The following DAB1 variants were observed in gnomAD, a reference collection of about 807,000 sequenced individuals.
DAB1 encodes the protein DAB adaptor protein 1.
In DAB1, 15 loss-of-function variants were observed where a neutral mutation model predicts 64.6. The observed-to-expected ratio is 0.23, with a 90% CI of 0.16 to 0.36. The LOEUF is 0.36. Ranked by LOEUF, DAB1 falls within the 10% of genes least tolerant of loss-of-function variation. The pLI, the probability that DAB1 is intolerant of heterozygous loss-of-function variation, is 1.00. For missense variants in DAB1, 596 were observed against 706.7 expected, an observed-to-expected ratio of 0.84 and a Z score of 1.78; for synonymous variants, 235 against 251.9, an observed-to-expected ratio of 0.93 and a Z score of 0.64.
At chr1:58,016,992 T>C (rs1448005826) in intron 5 of DAB1, among the ~76,000 whole-genome samples, 1 of 152,118 alleles carries the variant, frequency 6.6e-6, no homozygotes, top group Non-Finnish European at 1.5e-5. Flanking sequence ...CTGTTATTCG[T>C]AGATAAAGAA....
At chr1:58,146,295 C>T (rs1557670540) in intron 5 of DAB1, among the ~76,000 whole-genome samples, 2 of 152,116 alleles carry the variant, frequency 1.3e-5, no homozygotes, top group Non-Finnish European at 2.9e-5. Context: ...AGTGAAGTGG[C>T]AAATTAACAT....
At chr1:57,054,766 C>A (rs765183325) in intron 9 of DAB1, among the ~76,000 whole-genome samples, 1 of 152,146 alleles carries the variant, frequency 6.6e-6, no homozygotes, top group South Asian at 2.1e-4. Flanking sequence ...GCGTGTGCCA[C>A]GGCACCCGGC....
intron 3 of DAB1, among the ~76,000 whole-genome samples, chr1:58,502,026 T>A (rs1645915302): frequency 6.6e-6 from 1 of 152,206 alleles, no homozygotes; most frequent in East Asian, 1.9e-4. Flanking sequence ...TTATTTCACA[T>A]CACCTACAAC....
intron 5 of DAB1, among the ~76,000 whole-genome samples, chr1:58,091,808 G>A (rs1384188876): frequency 3.9e-5 from 6 of 151,928 alleles, no homozygotes; most frequent in Non-Finnish European, 8.8e-5. Flanking sequence ...ATTGACCTGA[G>A]CTCAAAACTA....
chr1:57,451,205 G>A (rs540907798), intron 7 of DAB1, among the ~76,000 whole-genome samples: 75 of 152,232 alleles, frequency 4.9e-4, no homozygotes, highest in African/African-American at 1.8e-3. Flanking sequence ...GCAACCCCCT[G>A]CTTGCCCTCT....
intron 5 of DAB1, among the ~76,000 whole-genome samples, chr1:57,917,412 T>C (rs1054903262): frequency 9.8e-5 from 15 of 152,308 alleles, no homozygotes; most frequent in African/African-American, 3.4e-4. Context: ...ACCTGTAAAG[T>C]AGGGAGAATA....
intron 1 of DAB1, among the ~76,000 whole-genome samples, chr1:57,414,440 T>C (rs902560069): frequency 1.3e-5 from 2 of 152,200 alleles, no homozygotes; most frequent in African/African-American, 4.8e-5. Context: ...TTAAGGTATG[T>C]ACATTGATTT....
At chr1:57,222,757 G>A (rs1666979078) in intron 2 of DAB1, among the ~76,000 whole-genome samples, 1 of 152,110 alleles carries the variant, frequency 6.6e-6, no homozygotes, top group East Asian at 1.9e-4. Context: ...GTATAATTGT[G>A]CTCAATTGTG....
At chr1:57,287,437 C>T (rs141642522) in intron 2 of DAB1, among the ~76,000 whole-genome samples, 21 of 152,132 alleles carry the variant, frequency 1.4e-4, no homozygotes, top group African/African-American at 2.9e-4. Flanking sequence ...CAATCAGGAA[C>T]GAGATAAGGA....
chr1:57,700,269 T>G (rs1646892183), intron 6 of DAB1, among the ~76,000 whole-genome samples: 1 of 152,204 alleles, frequency 6.6e-6, no homozygotes, highest in Non-Finnish European at 1.5e-5. Context: ...TCATACTTTT[T>G]TTAAGTACAG....
Position 57,584,372 on chromosome 1 carries a change from C to T in DAB1, n.625+65220G>A. Among the ~76,000 whole-genome samples, 2 of 152,234 alleles carry T rather than the reference C, an allele frequency of 1.3e-5. 1 individual carries two copies. Among genetic ancestry groups the T allele is most frequent in the South Asian group, 4.2e-4 (2 of 4,808 alleles). On this transcript the variant is annotated intron_variant and non_coding_transcript_variant, in intron 7 of 20. Transcript: ENST00000485760. Reference sequence around the variant, plus strand: ...TAAATTTAATTTGGCTGATGTTTTTCTTTTATCAAATCACAGGGCTGGTTG... The same window carrying T: ...TAAATTTAATTTGGCTGATGTTTTTTTTTTATCAAATCACAGGGCTGGTTG...
chr1:57,636,069 C>A (rs1194239720), intron 7 of DAB1, among the ~76,000 whole-genome samples: 1 of 131,580 alleles, frequency 7.6e-6, no homozygotes, highest in Non-Finnish European at 1.6e-5. Flanking sequence ...AGCAGTCCGG[C>A]CTGGGCAAAA....
chr1:57,574,476 T>C lies in DAB1; in HGVS notation n.625+75116A>G, dbSNP rs553320697. Among the ~76,000 whole-genome samples, 4 of 152,302 alleles carry C rather than the reference T, an allele frequency of 2.6e-5. No individual in the cohort carries two copies. The East Asian group carries it at 5.8e-4, about 22-fold the overall frequency. On this transcript the variant is annotated intron_variant and non_coding_transcript_variant, in intron 7 of 20. Transcript: ENST00000485760. ...TCTTAATTCTATTCTTAATCCCCAT[T>C]TTTTAGAAGAGAAAAGTAACTTCAA...
chr1:57,037,732 C>T (rs539451358), intron 9 of DAB1, among the ~76,000 whole-genome samples: 101 of 152,150 alleles, frequency 6.6e-4, no homozygotes, highest in Admixed American at 1.4e-3. Context: ...ATCACCTTTA[C>T]CCAAGAGTGA....
chr1:57,544,084 T>G (rs2204376), intron 7 of DAB1, among the ~76,000 whole-genome samples: 141,173 of 152,202 alleles, frequency 0.93, 66,377 homozygotes, highest in East Asian at 1. Flanking sequence ...CTACACTCTG[T>G]CCTGGGCAAC....
chr1:58,277,294 C>T (rs1421809783), intron 4 of DAB1, among the ~76,000 whole-genome samples: 1 of 152,120 alleles, frequency 6.6e-6, no homozygotes, highest in East Asian at 1.9e-4. Context: ...CCCACCTCAG[C>T]CTCCCAAAGT....
At chr1:57,450,542 G>A (rs1686312348) in intron 7 of DAB1, among the ~76,000 whole-genome samples, 1 of 152,150 alleles carries the variant, frequency 6.6e-6, no homozygotes, top group Non-Finnish European at 1.5e-5. Flanking sequence ...GACAAATTCT[G>A]TCCTACTATG....
At chr1:57,018,480 T>A (rs920615253) in intron 11 of DAB1, among the ~76,000 whole-genome samples, 2 of 152,234 alleles carry the variant, frequency 1.3e-5, no homozygotes, top group African/African-American at 2.4e-5. Context: ...TAGAGAATTA[T>A]ATTCATTTTG....
At chr1:58,492,512 C>A (rs957159132) in intron 3 of DAB1, among the ~76,000 whole-genome samples, 1 of 152,060 alleles carries the variant, frequency 6.6e-6, no homozygotes, top group East Asian at 1.9e-4. Flanking sequence ...AATTGATAGA[C>A]CACTAGCAAG....
Sources: allele counts gnomAD v4.1 joint callset (sites outside exome capture counted in the v4.1 genomes callset), GRCh38; gene constraint gnomAD v4.1.1; transcripts MANE v1.5; gene names NCBI Gene and HGNC (gene_info 2026-07-23, HGNC 2026-07-21).